The following LDLRAD3 variants were observed in gnomAD, a reference collection of about 807,000 sequenced individuals.
LDLRAD3 encodes low-density lipoprotein receptor class A domain-containing protein 3.
In LDLRAD3, 20 loss-of-function variants were observed where a neutral mutation model predicts 29.4. That is an observed-to-expected ratio of 0.68 (90% CI 0.48 to 0.99). LDLRAD3 has a LOEUF of 0.99. LDLRAD3 is among the 50% of genes least tolerant of loss of function. The pLI is 0.00. For missense variants in LDLRAD3, 420 were observed against 454.3 expected (o/e 0.92, Z 0.69); for synonymous variants, 157 against 192.7 (o/e 0.81, Z 1.53).
intron 4 of LDLRAD3, among the ~76,000 whole-genome samples, chr11:36,111,693 C>T (rs547148623): frequency 4.6e-5 from 7 of 152,138 alleles, no homozygotes; most frequent in South Asian, 2.1e-4. Context: ...CTCCGCCTCC[C>T]GGGTTCAAGC....
At chr11:36,017,979 A>G (rs1198459128) in intron 1 of LDLRAD3, among the ~76,000 whole-genome samples, 1 of 152,130 alleles carries the variant, frequency 6.6e-6, no homozygotes, top group Non-Finnish European at 1.5e-5. Flanking sequence ...TTCAGTCAGA[A>G]TTGTGTAAGC....
Position 36,229,512 on chromosome 11 carries a change from T to C in LDLRAD3, c.*115T>C. 6.9e-6 allele frequency: 5 copies of C among 727,996 alleles called. No individual in the cohort carries two copies. In the South Asian group the frequency reaches 8.7e-5, roughly 13 times the overall value. 45.1% of individuals were successfully genotyped at this position (727,996 alleles called of 1,614,324 possible). ...CCTGTAAGGGTGTCTCAAGTTACAG[T>C]TTGGGATATTAACTATCTCTGCATT... On this transcript the variant is annotated 3_prime_UTR_variant, in exon 6 of 6. Coordinates refer to ENST00000315571, the MANE Select transcript of LDLRAD3 (RefSeq NM_174902.4).
intron 1 of LDLRAD3, among the ~76,000 whole-genome samples, chr11:35,964,233 T>G (rs573703598): frequency 6.6e-6 from 1 of 152,324 alleles, no homozygotes; most frequent in East Asian, 1.9e-4. Context: ...TGTCCCAGGC[T>G]CTGGGGAAAG....
intron 4 of LDLRAD3, among the ~76,000 whole-genome samples, chr11:36,149,924 C>T (rs889327062): frequency 6.6e-6 from 1 of 152,196 alleles, no homozygotes; most frequent in Non-Finnish European, 1.5e-5. Flanking sequence ...GAATTGAGGG[C>T]TAAAGCCCTG....
At chr11:36,049,926 T>C (rs139999746) in intron 2 of LDLRAD3, among the ~76,000 whole-genome samples, 41 of 152,344 alleles carry the variant, frequency 2.7e-4, no homozygotes, top group African/African-American at 9.9e-4. Flanking sequence ...GAAGACCATC[T>C]TGGCTCCTGC....
chr11:36,098,384 T>G lies in LDLRAD3; in HGVS notation c.377T>G (p.Ile126Ser). ...ARYHCKNGLC[I>S]DKSFICDGQN... ...TACCACTGCAAGAACGGCCTCTGTATTGACAAGAGCTTCATCTGCGATGGA... is the reference window on the plus strand; with the variant it reads ...TACCACTGCAAGAACGGCCTCTGTAGTGACAAGAGCTTCATCTGCGATGGA... The change falls in exon 4 of 6, where the codon ATT (isoleucine) becomes AGT (serine). Residue 126 changes from isoleucine to serine, a missense_variant. Physicochemically the swap from Ile to Ser is moderately radical, Grantham distance 142. Transcript: ENST00000315571. 1 of 1,614,250 alleles carries G rather than the reference T, an allele frequency of 6.2e-7. No individual in the cohort carries two copies. Among genetic ancestry groups the G allele is most frequent in the Non-Finnish European group, 8.5e-7 (1 of 1,180,046 alleles).
intron 1 of LDLRAD3, among the ~76,000 whole-genome samples, chr11:36,020,402 A>T (rs1269705017): frequency 1.3e-5 from 2 of 152,180 alleles, no homozygotes; most frequent in Non-Finnish European, 2.9e-5. Context: ...GCAAATAGGG[A>T]CTGTCCACAA....
At chr11:36,064,875 G>T (rs1180499541) in intron 2 of LDLRAD3, among the ~76,000 whole-genome samples, 1 of 152,134 alleles carries the variant, frequency 6.6e-6, no homozygotes, top group Non-Finnish European at 1.5e-5. Flanking sequence ...CATTTTGGTT[G>T]GAGAACATAT....
At chr11:36,041,880 A>G (rs11033385) in intron 2 of LDLRAD3, among the ~76,000 whole-genome samples, 31,179 of 71,188 alleles carry the variant, frequency 0.44, 5,662 homozygotes, top group African/African-American at 0.55. Context: ...TGTTTGGTTG[A>G]GGGGGGTGTG....
intron 4 of LDLRAD3, among the ~76,000 whole-genome samples, chr11:36,145,785 G>C (rs1854182449): frequency 6.6e-6 from 1 of 150,742 alleles, no homozygotes; most frequent in Non-Finnish European, 1.5e-5. Flanking sequence ...GATGTGCTTT[G>C]TTAAACAGAT....
chr11:36,005,010 G>C (rs1007577270), intron 1 of LDLRAD3, among the ~76,000 whole-genome samples: 12 of 152,202 alleles, frequency 7.9e-5, no homozygotes, highest in African/African-American at 2.9e-4. Flanking sequence ...CCTGGCCTGT[G>C]ATGGGAGGGG....
At chr11:35,961,245 C>G (rs1360556142) in intron 1 of LDLRAD3, among the ~76,000 whole-genome samples, 1 of 152,228 alleles carries the variant, frequency 6.6e-6, no homozygotes, top group African/African-American at 2.4e-5. Context: ...TGGGACCATT[C>G]ATCCAGGGTG....
chr11:36,123,409 G>A (rs1304862826), intron 4 of LDLRAD3, among the ~76,000 whole-genome samples: 4 of 152,162 alleles, frequency 2.6e-5, no homozygotes, highest in African/African-American at 9.7e-5. Flanking sequence ...TTTCTCCTGG[G>A]AGCAATGTGC....
chr11:36,150,616 G>C (rs187933199), intron 4 of LDLRAD3, among the ~76,000 whole-genome samples: 2,648 of 152,024 alleles, frequency 0.017, 93 homozygotes, highest in African/African-American at 0.06. Context: ...TTAGCCGGGC[G>C]TGGTGGCGGG....
At chr11:36,089,490 C>T (rs1192790392) in intron 3 of LDLRAD3, among the ~76,000 whole-genome samples, 2 of 151,374 alleles carry the variant, frequency 1.3e-5, no homozygotes, top group Admixed American at 6.6e-5. Context: ...TGCAGTGGCA[C>T]GATCTCGGCT....
chr11:36,170,499 C>A (rs12805425), intron 4 of LDLRAD3, among the ~76,000 whole-genome samples: 7,314 of 151,940 alleles, frequency 0.048, 214 homozygotes, highest in Middle Eastern at 0.11. Flanking sequence ...ATAATGACTT[C>A]TTTTCCTCTG....
At position 35,948,437 on chromosome 11, in the gene LDLRAD3, C is replaced by CGTGT. The variant is rs140009978; in HGVS notation, c.46+4323_46+4326dup. On this transcript the variant is annotated intron_variant, in intron 1 of 5. Coordinates refer to ENST00000315571, the MANE Select transcript of LDLRAD3 (RefSeq NM_174902.4). ...CAGGGAGATTTTTAAGTTGGCTGAT[C>CGTGT]GTGTGTGTGTGTGTGTGTGTGTGTG... Among the ~76,000 whole-genome samples, 1,089 of 147,294 alleles carry CGTGT rather than the reference C, an allele frequency of 7.4e-3. 4 individuals carry two copies. The highest frequency in any genetic ancestry group is 0.022 in the African/African-American group (874 of 40,208).
intron 2 of LDLRAD3, among the ~76,000 whole-genome samples, chr11:36,059,287 G>C (rs377313056): frequency 6.6e-6 from 1 of 151,800 alleles, no homozygotes; most frequent in Non-Finnish European, 1.5e-5. Flanking sequence ...AGCATGAGAG[G>C]TTGAGGCAGC....
intron 4 of LDLRAD3, among the ~76,000 whole-genome samples, chr11:36,182,664 A>G (rs1854781972): frequency 6.6e-6 from 1 of 152,156 alleles, no homozygotes; most frequent in Non-Finnish European, 1.5e-5. Context: ...CCCCTTGTTC[A>G]CTTCCCCTGG....
Sources: gnomAD v4.1 joint callset for allele counts (sites outside exome capture counted in the v4.1 genomes callset) on GRCh38, gnomAD v4.1.1 for gene constraint, MANE v1.5 for transcripts, NCBI Gene and HGNC (gene_info 2026-07-23, HGNC 2026-07-21) for gene names.